ITFG1: variants seen among roughly 807,000 people sequenced by gnomAD.
The protein encoded by ITFG1 is integrin alpha FG-GAP repeat containing 1.
In ITFG1, 34 loss-of-function variants were observed where a neutral mutation model predicts 81.8. That is an observed-to-expected ratio of 0.42 (90% CI 0.32 to 0.55). ITFG1 has a LOEUF of 0.55. Among genes scored for constraint, ITFG1 ranks in the 20% least tolerant of loss-of-function variants. The probability of loss-of-function intolerance (pLI) is 0.17; values close to 1 mark genes in which losing one functional copy is unlikely to be tolerated. For synonymous variants in ITFG1, 285 were observed against 270.6 expected (o/e 1.05, Z -0.52); for missense variants, 672 against 755.4 (o/e 0.89, Z 1.29).
intron 6 of ITFG1, among the ~76,000 whole-genome samples, chr16:47,410,177 G>C (rs923225507): frequency 6.6e-6 from 1 of 152,124 alleles, no homozygotes; most frequent in Admixed American, 6.5e-5. Flanking sequence ...TACTCAGAAG[G>C]CTGAGGTGGG....
At chr16:47,442,592 T>C in intron 5 of ITFG1, among the ~76,000 whole-genome samples, 1 of 152,088 alleles carries the variant, frequency 6.6e-6, no homozygotes, top group Non-Finnish European at 1.5e-5. Flanking sequence ...TCAGAAATAA[T>C]GTCGCATATC....
intron 6 of ITFG1, among the ~76,000 whole-genome samples, chr16:47,385,965 T>A (rs1304216803): frequency 6.6e-6 from 1 of 152,186 alleles, no homozygotes; most frequent in Non-Finnish European, 1.5e-5. Context: ...GGAGCATACA[T>A]GATAAAACCT....
At chr16:47,277,407 A>C (rs1194837914) in intron 10 of ITFG1, among the ~76,000 whole-genome samples, 1 of 152,152 alleles carries the variant, frequency 6.6e-6, no homozygotes, top group African/African-American at 2.4e-5. Flanking sequence ...TGCCATAGGA[A>C]ATATGTACAA....
chr16:47,223,227 T>G (rs1466237248), intron 13 of ITFG1, among the ~76,000 whole-genome samples: 1 of 151,782 alleles, frequency 6.6e-6, no homozygotes, highest in East Asian at 1.9e-4. Flanking sequence ...AAGCCAAAAT[T>G]GACAAATGGG....
chr16:47,322,393 G>C (rs897271305), intron 8 of ITFG1, among the ~76,000 whole-genome samples: 4 of 152,150 alleles, frequency 2.6e-5, no homozygotes, highest in Middle Eastern at 3.4e-3. Context: ...GTGATGTTTT[G>C]AAATATGAAT....
At chr16:47,407,567 G>C (rs1425643038) in intron 6 of ITFG1, among the ~76,000 whole-genome samples, 1 of 152,144 alleles carries the variant, frequency 6.6e-6, no homozygotes, top group Non-Finnish European at 1.5e-5. Flanking sequence ...GGCTGGTCTA[G>C]AACTCCTGGT....
chr16:47,445,532 C>G (rs1969314134), intron 5 of ITFG1, among the ~76,000 whole-genome samples: 1 of 152,190 alleles, frequency 6.6e-6, no homozygotes, highest in Admixed American at 6.5e-5. Context: ...CAAACACAGG[C>G]TAGCACATTG....
At chr16:47,396,806 T>C (rs929946330) in intron 6 of ITFG1, among the ~76,000 whole-genome samples, 14 of 151,950 alleles carry the variant, frequency 9.2e-5, no homozygotes, top group African/African-American at 2.7e-4. Context: ...GGGGTGGTAG[T>C]AGGAGAGTGG....
intron 5 of ITFG1, among the ~76,000 whole-genome samples, chr16:47,443,621 C>G (rs1008385010): frequency 1.3e-5 from 2 of 152,020 alleles, no homozygotes; most frequent in African/African-American, 4.8e-5. Context: ...AGCTGGAAAC[C>G]ATCACTCTCA....
intron 6 of ITFG1, among the ~76,000 whole-genome samples, chr16:47,425,575 T>G (rs1265477924): frequency 6.7e-6 from 1 of 150,262 alleles, no homozygotes; most frequent in East Asian, 1.9e-4. Context: ...TTGGCCATCT[T>G]GGAAGTGACG....
intron 14 of ITFG1, among the ~76,000 whole-genome samples, chr16:47,183,972 G>A (rs868167896): frequency 5.3e-5 from 8 of 152,274 alleles, no homozygotes; most frequent in South Asian, 4.1e-4. Flanking sequence ...ACCAAGGCTC[G>A]AGAACTAGGT....
chr16:47,387,458 C>G (rs1177437510), intron 6 of ITFG1, among the ~76,000 whole-genome samples: 3 of 152,056 alleles, frequency 2.0e-5, no homozygotes, highest in Non-Finnish European at 4.4e-5. Context: ...CCTCTTGTGC[C>G]CTATATCTGG....
intron 17 of ITFG1, among the ~76,000 whole-genome samples, chr16:47,156,134 T>A (rs1173982266): frequency 6.6e-6 from 1 of 152,170 alleles, no homozygotes; most frequent in African/African-American, 2.4e-5. Flanking sequence ...AACAATGATG[T>A]TAATAAACAA....
At position 47,302,117 on chromosome 16, in the gene ITFG1, G is replaced by GA. The variant is rs1031942160; in HGVS notation, c.1070+9122dup. ...GTGGTAAATTTGAAAAGAAGCACAA[G>GA]AAAAAATAAGTACCTGCTACTAAAA... On this transcript the variant is annotated intron_variant, in intron 10 of 17. Coordinates refer to ENST00000320640, the MANE Select transcript of ITFG1 (RefSeq NM_030790.5). Among the ~76,000 whole-genome samples the GA allele has an allele frequency of 2.2e-4, 34 of 152,210 alleles. 1 individual carries two copies. The highest frequency in any genetic ancestry group is 1.6e-3 in the Admixed American group (25 of 15,284).
chr16:47,183,188 C>T (rs1965156307), intron 14 of ITFG1, among the ~76,000 whole-genome samples: 1 of 152,224 alleles, frequency 6.6e-6, no homozygotes, highest in Non-Finnish European at 1.5e-5. Flanking sequence ...TGCAAGGCGG[C>T]AGCGAGGCTG....
At chr16:47,390,006 T>C (rs1358409754) in intron 6 of ITFG1, among the ~76,000 whole-genome samples, 2 of 152,178 alleles carry the variant, frequency 1.3e-5, no homozygotes, top group Non-Finnish European at 2.9e-5. Flanking sequence ...GGACAAAAAA[T>C]GCCTATCGAA....
At chr16:47,343,141 C>A (rs1045472986) in intron 8 of ITFG1, among the ~76,000 whole-genome samples, 1 of 152,042 alleles carries the variant, frequency 6.6e-6, no homozygotes, top group Non-Finnish European at 1.5e-5. Context: ...GGCATAAGAA[C>A]AGACATAGAC....
intron 8 of ITFG1, among the ~76,000 whole-genome samples, chr16:47,327,047 A>G (rs189117772): frequency 8.5e-5 from 13 of 152,330 alleles, no homozygotes; most frequent in African/African-American, 2.9e-4. Flanking sequence ...AGAAAGGTGG[A>G]GGCATCACGC....
chr16:47,376,240 G>A (rs538726312), intron 6 of ITFG1, among the ~76,000 whole-genome samples: 54 of 151,998 alleles, frequency 3.6e-4, no homozygotes, highest in African/African-American at 1.3e-3. Context: ...TTATTCCAAA[G>A]TGTACTATAT....
Sources: gnomAD v4.1 joint callset for allele counts (sites outside exome capture counted in the v4.1 genomes callset) on GRCh38, gnomAD v4.1.1 for gene constraint, MANE v1.5 for transcripts, NCBI Gene and HGNC (gene_info 2026-07-23, HGNC 2026-07-21) for gene names.